PTPRD: variants seen among roughly 807,000 people sequenced by gnomAD.
PTPRD encodes the protein protein tyrosine phosphatase receptor type D.
A neutral mutation model predicts 214.5 loss-of-function variants in PTPRD; 34 were observed. The observed-to-expected ratio is 0.16, with a 90% confidence interval of 0.12 to 0.21. The LOEUF is 0.21. PTPRD is among the 10% of genes least tolerant of loss of function. PTPRD has a pLI of 1.00. For missense variants in PTPRD, 2,545 were observed against 2,398.7 expected (o/e 1.06, Z -1.27); for synonymous variants, 1,128 against 845.7 (o/e 1.33, Z -5.79).
chr9:8,570,789 T>C (rs1189452198), intron 14 of PTPRD, among the ~76,000 whole-genome samples: 3 of 152,030 alleles, frequency 2.0e-5, no homozygotes, highest in Non-Finnish European at 4.4e-5. Flanking sequence ...TTGGTAATGC[T>C]ATTCCTCTTT....
At chr9:9,125,385 T>C (rs1387122843) in intron 10 of PTPRD, among the ~76,000 whole-genome samples, 3 of 152,152 alleles carry the variant, frequency 2.0e-5, no homozygotes, top group African/African-American at 7.2e-5. Context: ...GAAGGCTTTC[T>C]CTAATTTGCT....
At chr9:8,372,603 T>G (rs2081894992) in intron 39 of PTPRD, among the ~76,000 whole-genome samples, 1 of 152,016 alleles carries the variant, frequency 6.6e-6, no homozygotes, top group Admixed American at 6.6e-5. Flanking sequence ...CTGTATGAAC[T>G]GATAGATAAC....
At chr9:9,149,629 C>T (rs998704702) in intron 10 of PTPRD, among the ~76,000 whole-genome samples, 1 of 152,174 alleles carries the variant, frequency 6.6e-6, no homozygotes, top group Non-Finnish European at 1.5e-5. Context: ...TCATCCCAAT[C>T]CAAGTAGGTG....
At chr9:10,611,504 A>G (rs2080958022) in intron 2 of PTPRD, among the ~76,000 whole-genome samples, 1 of 152,224 alleles carries the variant, frequency 6.6e-6, no homozygotes, top group Non-Finnish European at 1.5e-5. Flanking sequence ...TTTTATATAT[A>G]TGTATAATGA....
At chr9:10,247,703 G>C (rs1376274026) in intron 3 of PTPRD, among the ~76,000 whole-genome samples, 2 of 152,070 alleles carry the variant, frequency 1.3e-5, no homozygotes, top group Non-Finnish European at 2.9e-5. Context: ...ATGTTTATTT[G>C]CTTTTCATTT....
intron 8 of PTPRD, among the ~76,000 whole-genome samples, chr9:9,480,345 C>T (rs568202114): frequency 6.6e-6 from 1 of 152,228 alleles, no homozygotes; most frequent in East Asian, 1.9e-4. Context: ...GAATTGTTCC[C>T]ATAAAAGAAA....
chr9:9,886,078 C>G (rs1490207930), intron 5 of PTPRD, among the ~76,000 whole-genome samples: 1 of 151,694 alleles, frequency 6.6e-6, no homozygotes, highest in African/African-American at 2.4e-5. Context: ...GGATAGAAAA[C>G]AGAATGAGAA....
At chr9:10,501,351 G>T (rs1277981616) in intron 2 of PTPRD, among the ~76,000 whole-genome samples, 1 of 151,916 alleles carries the variant, frequency 6.6e-6, no homozygotes, top group Non-Finnish European at 1.5e-5. Context: ...TTTGACAAAG[G>T]TCTGAATAAA....
At chr9:8,838,563 T>TAAAAAA (rs145343455) in intron 11 of PTPRD, among the ~76,000 whole-genome samples, 14 of 151,794 alleles carry the variant, frequency 9.2e-5, no homozygotes, top group Middle Eastern at 6.8e-3. Flanking sequence ...AACTGAAAAA[T>TAAAAAA]AAAAGAGAGA....
chr9:9,963,409 T>C (rs1288809887), intron 4 of PTPRD, among the ~76,000 whole-genome samples: 1 of 141,486 alleles, frequency 7.1e-6, no homozygotes, highest in Admixed American at 6.7e-5. Context: ...GTGTAAATAG[T>C]TTCTCCTTTA....
In PTPRD at chr9:8,938,558, G is replaced by C. The variant is rs1054265803; in HGVS notation, c.-104+80139C>G. Among the ~76,000 whole-genome samples the C allele has an allele frequency of 3.9e-5, 6 of 152,022 alleles. 1 individual carries two copies. The highest frequency in any genetic ancestry group is 8.8e-5 in the Non-Finnish European group (6 of 68,018). Reference sequence around the variant, plus strand: ...ACCATAATATTTAGTATAGCACATAGAGTATTTAGGTTCACACCTCCTCAT... The same window carrying C: ...ACCATAATATTTAGTATAGCACATACAGTATTTAGGTTCACACCTCCTCAT... On this transcript the variant is annotated intron_variant, in intron 11 of 45. Coordinates refer to ENST00000381196, the MANE Select transcript of PTPRD (RefSeq NM_002839.4).
At chr9:10,412,309 C>T (rs2098444201) in intron 2 of PTPRD, among the ~76,000 whole-genome samples, 1 of 151,462 alleles carries the variant, frequency 6.6e-6, no homozygotes, top group Admixed American at 6.6e-5. Flanking sequence ...AAATAGAAAA[C>T]CTAGAAAAGA....
intron 10 of PTPRD, among the ~76,000 whole-genome samples, chr9:9,037,294 G>A (rs35328395): frequency 0.03 from 4,534 of 152,124 alleles, 109 homozygotes; most frequent in Non-Finnish European, 0.049. Context: ...CAAAAGTTTC[G>A]CAAAATGTAT....
At chr9:10,245,385 T>A (rs2091910908) in intron 3 of PTPRD, among the ~76,000 whole-genome samples, 2 of 152,178 alleles carry the variant, frequency 1.3e-5, no homozygotes, top group Non-Finnish European at 2.9e-5. Flanking sequence ...AATCACACCA[T>A]TTTATCTATG....
At chr9:9,033,142 T>C (rs969352307) in intron 10 of PTPRD, among the ~76,000 whole-genome samples, 3 of 152,154 alleles carry the variant, frequency 2.0e-5, no homozygotes, top group African/African-American at 7.2e-5. Flanking sequence ...TCTTTTCTCA[T>C]TTGGCTCACT....
chr9:9,946,048 C>A (rs1214898448), intron 4 of PTPRD, among the ~76,000 whole-genome samples: 1 of 151,872 alleles, frequency 6.6e-6, no homozygotes, highest in Non-Finnish European at 1.5e-5. Flanking sequence ...CCTTTTGGAT[C>A]CTTTCCCAGT....
chr9:10,011,974 T>C (rs1423152895), intron 4 of PTPRD, among the ~76,000 whole-genome samples: 2 of 151,940 alleles, frequency 1.3e-5, no homozygotes, highest in Non-Finnish European at 2.9e-5. Flanking sequence ...GGAAACTCGC[T>C]TTTGTTTTGC....
chr9:8,499,562 A>G, intron 25 of PTPRD, 85 bp downstream of exon 25: 4 of 1,447,516 alleles, frequency 2.8e-6, no homozygotes, highest in Non-Finnish European at 3.7e-6. Flanking sequence ...TAAATGTCGA[A>G]AAACTAAAAT....
At chr9:9,662,408 T>C (rs2096638648) in intron 7 of PTPRD, among the ~76,000 whole-genome samples, 1 of 151,668 alleles carries the variant, frequency 6.6e-6, no homozygotes, top group Non-Finnish European at 1.5e-5. Flanking sequence ...ATAACTGCTA[T>C]AACAGCAAGA....
Sources: gnomAD v4.1 joint callset for allele counts (sites outside exome capture counted in the v4.1 genomes callset) on GRCh38, gnomAD v4.1.1 for gene constraint, MANE v1.5 for transcripts, NCBI Gene and HGNC (gene_info 2026-07-23, HGNC 2026-07-21) for gene names.